The following RAPGEF4 variants were observed in gnomAD, a reference collection of about 807,000 sequenced individuals.
RAPGEF4 encodes RAP guanine-nucleotide-exchange factor (GEF) 4.
Under a neutral mutation model 147.9 loss-of-function variants are expected in RAPGEF4, and 66 were observed. The ratio of observed to expected loss-of-function variants is 0.45; its 90% CI spans 0.37 to 0.55. The LOEUF is 0.55. RAPGEF4 is among the 20% of genes least tolerant of loss of function. The pLI is 0.00. For missense variants in RAPGEF4, 1,071 were observed against 1,257.3 expected (o/e 0.85, Z 2.24); for synonymous variants, 419 against 442.7 (o/e 0.95, Z 0.67).
At chr2:172,902,166 T>C (rs560164924) in intron 4 of RAPGEF4, among the ~76,000 whole-genome samples, 24 of 151,932 alleles carry the variant, frequency 1.6e-4, no homozygotes, top group African/African-American at 5.1e-4. Flanking sequence ...AAGGAATGAA[T>C]AGGGGAGGCG....
At chr2:172,776,870 T>C (rs1684223185) in intron 1 of RAPGEF4, among the ~76,000 whole-genome samples, 1 of 152,214 alleles carries the variant, frequency 6.6e-6, no homozygotes. Flanking sequence ...ATATTTATTA[T>C]AGTTGTTTTA....
chr2:172,736,914 A>G lies in RAPGEF4; in HGVS notation c.65+866A>G, dbSNP rs577869821. Among the ~76,000 whole-genome samples the G allele has an allele frequency of 1.5e-3, 234 of 152,354 alleles. 2 individuals carry two copies. The highest frequency in any genetic ancestry group is 5.3e-3 in the African/African-American group (221 of 41,588). On this transcript the variant is annotated intron_variant, in intron 1 of 30. Transcript: ENST00000397081. ...GCCTCTGAATTTCGGAGTTTGATGC[A>G]GAAGGGCAATGATGCACGTCTTGCA...
At chr2:173,049,906 G>A (rs1344454124) in intron 30 of RAPGEF4, among the ~76,000 whole-genome samples, 2 of 152,164 alleles carry the variant, frequency 1.3e-5, no homozygotes, top group South Asian at 2.1e-4. Context: ...AGTTACAACC[G>A]GAGTTTATAA....
At chr2:172,781,970 C>T (rs1432982681) in intron 1 of RAPGEF4, among the ~76,000 whole-genome samples, 2 of 152,106 alleles carry the variant, frequency 1.3e-5, no homozygotes, top group Non-Finnish European at 2.9e-5. Context: ...GCCAGCTGTA[C>T]TCCTCTAAAT....
rs1017065115 is a variant in RAPGEF4 at position 172,823,847 on chromosome 2, A to C, written c.444+9422A>C. 2.0e-5 allele frequency among the ~76,000 whole-genome samples: 3 copies of C among 152,200 alleles called. No homozygotes were observed. In the East Asian group the frequency reaches 5.8e-4, roughly 29 times the overall value. ...ATGTGGTTGAATGGTCTGGCCTGAG[A>C]TTCTGGTCTATTCTTGGTTTAACCC... is the stretch of plus-strand genomic sequence containing the variant. On this transcript the variant is annotated intron_variant, in intron 4 of 30. Transcript: ENST00000397081.
intron 11 of RAPGEF4, 75 bp from the exon 12 acceptor site, chr2:172,985,358 C>T: frequency 1.9e-6 from 3 of 1,606,626 alleles, no homozygotes; most frequent in South Asian, 2.2e-5. Flanking sequence ...CATTGTGCCC[C>T]CAGAAAGAGT....
chr2:173,017,555 G>T, intron 21 of RAPGEF4, 51 bp downstream of exon 21: 1 of 1,528,114 alleles, frequency 6.5e-7, no homozygotes. Context: ...ATTTAGTCAG[G>T]ATAATGGTAA....
At chr2:172,749,963 C>T (rs1259456102) in intron 1 of RAPGEF4, among the ~76,000 whole-genome samples, 1 of 152,164 alleles carries the variant, frequency 6.6e-6, no homozygotes, top group Non-Finnish European at 1.5e-5. Flanking sequence ...GCAAGAGTCA[C>T]CTTTTCTCCA....
At chr2:172,812,812 T>A (rs1010593295) in intron 3 of RAPGEF4, among the ~76,000 whole-genome samples, 7 of 152,224 alleles carry the variant, frequency 4.6e-5, no homozygotes, top group Non-Finnish European at 1.0e-4. Flanking sequence ...AATAGGCTAG[T>A]GGGAACTTCA....
At chr2:172,942,329 A>T (rs1474981413) in intron 6 of RAPGEF4, among the ~76,000 whole-genome samples, 1 of 151,716 alleles carries the variant, frequency 6.6e-6, no homozygotes, top group African/African-American at 2.4e-5. Context: ...AAATTGTCTT[A>T]GCTCAAATTC....
chr2:173,005,533 T>TGTTTTG (rs199928357), intron 17 of RAPGEF4, among the ~76,000 whole-genome samples: 2 of 139,554 alleles, frequency 1.4e-5, no homozygotes, highest in African/African-American at 5.3e-5. Flanking sequence ...TTTTTTTTTT[T>TGTTTTG]TTTTTTTTGA....
At chr2:172,838,592 T>C (rs1256886631) in intron 4 of RAPGEF4, among the ~76,000 whole-genome samples, 2 of 150,576 alleles carry the variant, frequency 1.3e-5, no homozygotes, top group Non-Finnish European at 3.0e-5. Flanking sequence ...ATTAGTTCAA[T>C]TGTAGATCTC....
At position 172,999,371 on chromosome 2, in the gene RAPGEF4, C is replaced by T. The variant is rs1693682849; in HGVS notation, c.1580-1895C>T. ...GACACTAAATAATCCTAGGGTAGGT[C>T]CACGAAATTTGTGGATATACCAGAG... On this transcript the variant is annotated intron_variant, in intron 16 of 30. Transcript: ENST00000397081. 2.6e-5 allele frequency among the ~76,000 whole-genome samples: 4 copies of T among 152,072 alleles called. No individual in the cohort carries two copies. The South Asian group carries it at 8.3e-4, about 32-fold the overall frequency.
chr2:172,978,206 C>T (rs935575081), intron 10 of RAPGEF4, among the ~76,000 whole-genome samples: 4 of 143,788 alleles, frequency 2.8e-5, no homozygotes, highest in Non-Finnish European at 6.0e-5. Context: ...ACACCCCCCC[C>T]AGAGCTTCCC....
At chr2:172,754,597 G>A (rs1337951255) in intron 1 of RAPGEF4, among the ~76,000 whole-genome samples, 1 of 152,142 alleles carries the variant, frequency 6.6e-6, no homozygotes, top group East Asian at 1.9e-4. Flanking sequence ...GGGTCACATA[G>A]CTGCTAAGTG....
intron 3 of RAPGEF4, among the ~76,000 whole-genome samples, chr2:172,800,522 A>G (rs962366300): frequency 5.9e-4 from 90 of 152,208 alleles, no homozygotes; most frequent in Non-Finnish European, 1.2e-4. Flanking sequence ...GTAGTGCCCC[A>G]TACAAGTCAG....
At chr2:172,947,206 A>G (rs1687762654) in intron 6 of RAPGEF4, among the ~76,000 whole-genome samples, 1 of 152,212 alleles carries the variant, frequency 6.6e-6, no homozygotes, top group African/African-American at 2.4e-5. Flanking sequence ...GGATACATTA[A>G]TATTTTATTC....
intron 4 of RAPGEF4, among the ~76,000 whole-genome samples, chr2:172,824,093 A>G (rs562143475): frequency 6.6e-6 from 1 of 152,374 alleles, no homozygotes; most frequent in South Asian, 2.1e-4. Flanking sequence ...AATGGAAAGA[A>G]TAAAATATAG....
chr2:172,864,732 T>C, intron 4 of RAPGEF4, among the ~76,000 whole-genome samples: 1 of 152,154 alleles, frequency 6.6e-6, no homozygotes, highest in East Asian at 1.9e-4. Context: ...GGCAAAACCC[T>C]GTCTCTACAA....
Sources: gnomAD v4.1 joint callset for allele counts (sites outside exome capture counted in the v4.1 genomes callset) on GRCh38, gnomAD v4.1.1 for gene constraint, MANE v1.5 for transcripts, NCBI Gene and HGNC (gene_info 2026-07-23, HGNC 2026-07-21) for gene names.